The following SLC2A5 variants were observed in gnomAD, a reference collection of about 807,000 sequenced individuals.
SLC2A5 encodes solute carrier family 2 member 5.
A neutral mutation model predicts 50.3 loss-of-function variants in SLC2A5; 56 were observed. The ratio of observed to expected loss-of-function variants is 1.11; its 90% CI spans 0.90 to 1.39. The LOEUF (loss-of-function observed/expected upper bound fraction) is 1.39. Among genes scored for constraint, SLC2A5 ranks in the 40% most tolerant of loss-of-function variants. SLC2A5 has a pLI of 0.00. For synonymous variants in SLC2A5, 269 were observed against 281.9 expected, an observed-to-expected ratio of 0.95 and a Z score of 0.46; for missense variants, 566 against 650.1, an observed-to-expected ratio of 0.87 and a Z score of 1.41.
chr1:9,038,683 G>A lies in SLC2A5; in HGVS notation c.1098+145C>T, dbSNP rs11121306. The A allele has an allele frequency of 0.24, 315,696 of 1,327,218 alleles. 39,084 individuals carry two copies. Among genetic ancestry groups the A allele is most frequent in the Non-Finnish European group, 0.25 (248,415 of 977,688 alleles). The allele number at this position is 1,327,218 out of a possible 1,614,324, so 82.2% of individuals were successfully genotyped here. A position where few individuals can be genotyped will look rare whatever the true frequency, so the allele number is the denominator to read the frequency against. On this transcript the variant is annotated intron_variant, in intron 9 of 11. Coordinates refer to ENST00000377424, the MANE Select transcript of SLC2A5 (RefSeq NM_003039.3). ...TGGGCTATGAGCTGGCAGGACACAC[G>A]GTCCCCAGATGTCTGGCCAGTTGTA...
At chr1:9,083,919 CG>C (rs768448765) in intron 2 of SLC2A5, among the ~76,000 whole-genome samples, 16 of 151,966 alleles carry the variant, frequency 1.1e-4, no homozygotes, top group Admixed American at 1.0e-3. Flanking sequence ...CCGAGGCGGG[CG>C]GATCACGAGG....
intron 3 of SLC2A5, among the ~76,000 whole-genome samples, chr1:9,052,377 G>A (rs184559622): frequency 6.6e-6 from 1 of 152,168 alleles, no homozygotes; most frequent in Non-Finnish European, 1.5e-5. Flanking sequence ...TAGAAGGATC[G>A]GTGGTTGCCA....
At chr1:9,057,727 CG>C (rs996235626) in intron 2 of SLC2A5, 119 bp from the exon 3 acceptor site, 14 of 830,862 alleles carry the variant, frequency 1.7e-5, no homozygotes, top group Middle Eastern at 3.0e-4. Context: ...CCTTATTAAC[CG>C]GGGGGTGATG....
chr1:9,059,628 C>T (rs1019892402), intron 1 of SLC2A5, among the ~76,000 whole-genome samples: 1 of 148,682 alleles, frequency 6.7e-6, no homozygotes, highest in Non-Finnish European at 1.5e-5. Context: ...CTCCTGGGCT[C>T]AAGTGATCCT....
chr1:9,079,073 C>T lies in SLC2A5; in HGVS notation c.-59+5941G>A, dbSNP rs111643249. ...TCTTCCTCTTCTGTGAAAAGCCACA[C>T]CCCACCTTGGGCATGCCACCTGGCC... On this transcript the variant is annotated intron_variant, in intron 2 of 5. Coordinates refer to the SLC2A5 transcript ENST00000464985. 1.8e-4 allele frequency among the ~76,000 whole-genome samples: 28 copies of T among 152,280 alleles called. 2 individuals carry two copies. The highest frequency in any genetic ancestry group is 6.7e-4 in the African/African-American group (28 of 41,560).
At chr1:9,082,304 T>C (rs995401061) in intron 2 of SLC2A5, among the ~76,000 whole-genome samples, 1 of 152,106 alleles carries the variant, frequency 6.6e-6, no homozygotes, top group African/African-American at 2.4e-5. Flanking sequence ...CATGTACACA[T>C]ATGTTCGTAG....
intron 1 of SLC2A5, among the ~76,000 whole-genome samples, chr1:9,060,707 A>C (rs1641918872): frequency 8.0e-6 from 1 of 124,610 alleles, no homozygotes; most frequent in Non-Finnish European, 1.7e-5. Flanking sequence ...CCCCACACAC[A>C]CACAGCCCAC....
rs1483904541 is a variant in SLC2A5 at position 9,041,931 on chromosome 1, G to C, written c.425C>G (p.Ser142Cys). The C allele has an allele frequency of 1.2e-6, 2 of 1,601,552 alleles. No homozygotes were observed. The highest frequency in any genetic ancestry group is 2.7e-5 in the African/African-American group (2 of 74,310). The part of the protein sequence containing the change: ...RLLVGICAGV[S>C]SNVVPMYLGE... Reference sequence around the variant, plus strand: ...TAAGTACATGGGGACCACGTTGGAAGATACACCTGGGAGGAGGTGAAATAG... The same window carrying C: ...TAAGTACATGGGGACCACGTTGGAACATACACCTGGGAGGAGGTGAAATAG... The change falls in exon 5 of 12, where the codon TCT becomes TGT. Residue 142 changes from serine (S) to cysteine (C), a missense_variant. Transcript: ENST00000377424.
chr1:9,059,019 C>T (rs534386256), intron 1 of SLC2A5, among the ~76,000 whole-genome samples: 32 of 152,016 alleles, frequency 2.1e-4, no homozygotes, highest in Non-Finnish European at 2.6e-4. Flanking sequence ...GGATTAATTA[C>T]GACCATGTCT....
intron 1 of SLC2A5, among the ~76,000 whole-genome samples, chr1:9,087,582 C>A (rs1406970603): frequency 6.6e-6 from 1 of 152,090 alleles, no homozygotes; most frequent in African/African-American, 2.4e-5. Context: ...TCTTGCAACC[C>A]AAGAGGCAGT....
At chr1:9,090,217 A>AAG (rs1467607672), upstream of SLC2A5, among the ~76,000 whole-genome samples, 1 of 152,174 alleles carries the variant, frequency 6.6e-6, no homozygotes, top group Non-Finnish European at 1.5e-5. Flanking sequence ...TTATTATGTC[A>AAG]AGAACAGACC....
intron 1 of SLC2A5, among the ~76,000 whole-genome samples, chr1:9,058,917 C>T (rs545386812): frequency 1.8e-4 from 28 of 152,158 alleles, no homozygotes; most frequent in South Asian, 1.2e-3. Flanking sequence ...TTTGAATCTA[C>T]CTGTTGCCAC....
At chr1:9,082,152 GAATGTAA>G (rs1354904374) in intron 2 of SLC2A5, among the ~76,000 whole-genome samples, 2 of 152,278 alleles carry the variant, frequency 1.3e-5, no homozygotes, top group Non-Finnish European at 2.9e-5. Context: ...TTGCCGATGG[GAATGTAA>G]AATGGTTCAG....
chr1:9,076,314 C>T (rs1342766756), intron 2 of SLC2A5, among the ~76,000 whole-genome samples: 1 of 152,154 alleles, frequency 6.6e-6, no homozygotes, highest in Non-Finnish European at 1.5e-5. Context: ...AGACCCTAAT[C>T]TGAGAAGAGA....
At chr1:9,089,655 T>C (rs1642441937), upstream of SLC2A5, among the ~76,000 whole-genome samples, 1 of 152,242 alleles carries the variant, frequency 6.6e-6, no homozygotes, top group Admixed American at 6.5e-5. Context: ...GGAGTCTGTT[T>C]CTGATGTGGC....
intron 1 of SLC2A5, among the ~76,000 whole-genome samples, chr1:9,086,545 C>T (rs1367005665): frequency 1.1e-4 from 16 of 152,176 alleles, no homozygotes; most frequent in South Asian, 4.2e-4. Flanking sequence ...TGCACCACCA[C>T]GCCTGGCTAA....
In SLC2A5 at chr1:9,039,816, AG is replaced by A; in HGVS notation, c.868del (p.Leu290CysfsTer16). ...GGCCCATACAGCGTTGACGCCCGAC[AG>A]CTGCTGGCCGCCCATGAGGACGATG... ...SIIVLMGGQQ[L>X]SGVNAIYYYA... On this transcript the variant is annotated frameshift_variant, in exon 7 of 12. Coordinates refer to ENST00000377424, the MANE Select transcript of SLC2A5 (RefSeq NM_003039.3). LOFTEE classifies it high-confidence loss of function. The A allele has an allele frequency of 1.3e-6, 2 of 1,597,298 alleles. No homozygotes were observed. Among genetic ancestry groups the A allele is most frequent in the Non-Finnish European group, 1.7e-6 (2 of 1,172,728 alleles).
At chr1:9,090,808 A>T (rs1466653972), upstream of SLC2A5, among the ~76,000 whole-genome samples, 3 of 152,216 alleles carry the variant, frequency 2.0e-5, no homozygotes, top group Non-Finnish European at 4.4e-5. Context: ...CACTTCAATT[A>T]GACCTCTCCC....
chr1:9,092,094 G>T (rs999840646), upstream of SLC2A5, among the ~76,000 whole-genome samples: 1 of 152,152 alleles, frequency 6.6e-6, no homozygotes, highest in African/African-American at 2.4e-5. Context: ...TTCCAGAAAA[G>T]GTTGCAGTTA....
Sources: allele counts gnomAD v4.1 joint callset (sites outside exome capture counted in the v4.1 genomes callset), GRCh38; gene constraint gnomAD v4.1.1; transcripts MANE v1.5; gene names NCBI Gene and HGNC (gene_info 2026-07-23, HGNC 2026-07-21).